THADA: variants seen among roughly 807,000 people sequenced by gnomAD.
THADA encodes the protein THADA armadillo repeat containing.
Under a neutral mutation model 219.8 loss-of-function variants are expected in THADA, and 213 were observed. That is an observed-to-expected ratio of 0.97 (90% confidence interval 0.87 to 1.09). The LOEUF (loss-of-function observed/expected upper bound fraction) is 1.09. Ranked by LOEUF, THADA falls within the 50% of genes least tolerant of loss-of-function variation. The probability of loss-of-function intolerance (pLI) is 0.00; values close to 1 mark genes in which losing one functional copy is unlikely to be tolerated. For synonymous variants in THADA, 1,018 were observed against 828.9 expected, an observed-to-expected ratio of 1.23 and a Z score of -3.92; for missense variants, 2,956 against 2,311.3, an observed-to-expected ratio of 1.28 and a Z score of -5.72.
chr2:43,312,378 G>A lies in THADA; in HGVS notation c.4438+8068C>T, dbSNP rs577814443. ...TTTAACTTTGGTCACAGAAATGGAC[G>A]GTGAATAAGGAGTCAGGAAAGCTCA... On this transcript the variant is annotated intron_variant, in intron 31 of 37. Transcript: ENST00000405975. Among the ~76,000 whole-genome samples, 28 of 152,148 alleles carry A rather than the reference G, an allele frequency of 1.8e-4. 1 individual carries two copies. In the South Asian group the frequency reaches 5.6e-3, roughly 30 times the overall value.
chr2:43,509,173 C>T (rs1310907844), intron 22 of THADA, among the ~76,000 whole-genome samples: 1 of 152,072 alleles, frequency 6.6e-6, no homozygotes, highest in Non-Finnish European at 1.5e-5. Context: ...ATAGGGATTA[C>T]ACATATTCAA....
chr2:43,319,775 T>C (rs945204836), intron 31 of THADA, among the ~76,000 whole-genome samples: 6 of 152,216 alleles, frequency 3.9e-5, no homozygotes, highest in African/African-American at 1.4e-4. Context: ...TGCATTCCAG[T>C]TTGTGCTGAT....
intron 7 of THADA, among the ~76,000 whole-genome samples, chr2:43,583,525 T>C (rs1484563401): frequency 6.6e-6 from 1 of 152,170 alleles, no homozygotes; most frequent in Non-Finnish European, 1.5e-5. Context: ...CCTCAAAAAG[T>C]TAAATATAGA....
At chr2:43,265,894 G>A (rs1182758310) in intron 36 of THADA, among the ~76,000 whole-genome samples, 1 of 149,174 alleles carries the variant, frequency 6.7e-6, no homozygotes, top group Admixed American at 6.7e-5. Flanking sequence ...AGATTAAGGG[G>A]GCGAGGATGA....
intron 30 of THADA, among the ~76,000 whole-genome samples, chr2:43,324,217 A>G (rs1429973322): frequency 6.6e-6 from 1 of 152,234 alleles, no homozygotes; most frequent in Non-Finnish European, 1.5e-5. Context: ...AAATTTCAAA[A>G]TGAACAGAGG....
chr2:43,544,307 A>C (rs549470162), intron 20 of THADA, among the ~76,000 whole-genome samples: 2 of 152,166 alleles, frequency 1.3e-5, no homozygotes, highest in Admixed American at 6.6e-5. Flanking sequence ...GTCAGGTAGC[A>C]TGATGCCTCC....
At chr2:43,248,101 T>C (rs1669350118) in intron 36 of THADA, among the ~76,000 whole-genome samples, 1 of 141,238 alleles carries the variant, frequency 7.1e-6, no homozygotes. Context: ...AGGAGAACTT[T>C]AGGAAATGCC....
intron 35 of THADA, among the ~76,000 whole-genome samples, chr2:43,285,301 T>C (rs1189225814): frequency 6.6e-6 from 1 of 151,906 alleles, no homozygotes; most frequent in African/African-American, 2.4e-5. Context: ...TGGTGGGAGG[T>C]GATTGGATCA....
In THADA at chr2:43,356,088, T is replaced by C. The variant is rs552107179; in HGVS notation, c.4228-11851A>G. Among the ~76,000 whole-genome samples, 157 of 152,080 alleles carry C rather than the reference T, an allele frequency of 1.0e-3. 1 individual carries two copies. Among genetic ancestry groups the C allele is most frequent in the African/African-American group, 3.7e-3 (154 of 41,508 alleles). On this transcript the variant is annotated intron_variant, in intron 29 of 37. Transcript: ENST00000405975. ...AAACGGTTAAGGGCTATAAGAGAAA[T>C]AGAGAACAGAAGGCCAAGAAATAAA...
chr2:43,488,026 A>G (rs1687122915), intron 25 of THADA, among the ~76,000 whole-genome samples: 1 of 152,134 alleles, frequency 6.6e-6, no homozygotes, highest in Admixed American at 6.5e-5. Context: ...TTATTTTTTT[A>G]AAGTTTTTCC....
rs1207781995 is a variant in THADA at position 43,430,261 on chromosome 2, T to C, written c.3878A>G (p.Tyr1293Cys). Residue 1293 changes from tyrosine (Y) to cysteine (C), a missense_variant, in exon 27 of 38, where the codon TAT (tyrosine) becomes TGT (cysteine). Coordinates refer to ENST00000405975, the MANE Select transcript of THADA (RefSeq NM_022065.5). The stretch of plus-strand genomic sequence containing the variant: ...TTCCAACTGTTTGAGAAGAAAAGGA[T>C]AGAGTTCTGGGAAACGAGAGAAAAA... Reference protein sequence around the residue: ...REFFSRFPELYPFLLKQLETV... With the variant: ...REFFSRFPELCPFLLKQLETV... The C allele has an allele frequency of 4.5e-6, 7 of 1,552,506 alleles. No individual in the cohort carries two copies. The highest frequency in any genetic ancestry group is 2.4e-5 in the East Asian group (1 of 42,162).
intron 34 of THADA, among the ~76,000 whole-genome samples, chr2:43,289,959 GTTTTT>G (rs1024500166): frequency 7.7e-6 from 1 of 129,528 alleles, no homozygotes; most frequent in African/African-American, 2.9e-5. Flanking sequence ...CGGCCCTGGT[GTTTTT>G]TTTTTGTTTT....
At chr2:43,535,747 C>G (rs893512132) in intron 21 of THADA, among the ~76,000 whole-genome samples, 1 of 145,296 alleles carries the variant, frequency 6.9e-6, no homozygotes, top group African/African-American at 2.6e-5. Context: ...TACCACTATT[C>G]AAGTAGTTTT....
In THADA at chr2:43,296,754, G is replaced by C. The variant is rs201512902; in HGVS notation, c.4439-3541C>G. On this transcript the variant is annotated intron_variant, in intron 31 of 37. Coordinates refer to ENST00000405975, the MANE Select transcript of THADA (RefSeq NM_022065.5). ...ATCCTTCCTACCCACTGCTGCTAGA[G>C]GACAGCATTACATTCAAAAGGAATT... Among the ~76,000 whole-genome samples, 4 of 152,324 alleles carry C rather than the reference G, an allele frequency of 2.6e-5. No individual in the cohort carries two copies. In the East Asian group the frequency reaches 7.7e-4, roughly 29 times the overall value.
chr2:43,254,501 C>T (rs1157975275), intron 36 of THADA, among the ~76,000 whole-genome samples: 4 of 152,010 alleles, frequency 2.6e-5, no homozygotes, highest in Non-Finnish European at 4.4e-5. Flanking sequence ...ATCCAAAGGT[C>T]GTTTGTGTCA....
intron 29 of THADA, among the ~76,000 whole-genome samples, chr2:43,381,226 G>A (rs774891686): frequency 6.6e-6 from 1 of 151,696 alleles, no homozygotes; most frequent in Non-Finnish European, 1.5e-5. Flanking sequence ...AACAACTGGA[G>A]CAACAAAATA....
chr2:43,402,779 C>G (rs1198571588), intron 28 of THADA, among the ~76,000 whole-genome samples: 2 of 152,186 alleles, frequency 1.3e-5, no homozygotes, highest in East Asian at 3.8e-4. Flanking sequence ...TAAACACAAG[C>G]TGCTGCTGCT....
chr2:43,406,202 T>C (rs954905411), intron 28 of THADA, among the ~76,000 whole-genome samples: 1 of 152,214 alleles, frequency 6.6e-6, no homozygotes, highest in Non-Finnish European at 1.5e-5. Context: ...ACTTGATTCA[T>C]ACCATCCCTT....
At chr2:43,400,763 A>C (rs1362212775) in intron 28 of THADA, among the ~76,000 whole-genome samples, 1 of 152,090 alleles carries the variant, frequency 6.6e-6, no homozygotes, top group Non-Finnish European at 1.5e-5. Flanking sequence ...AGAAATTCCA[A>C]GTTTTTACAG....
Sources: gnomAD v4.1 joint callset for allele counts (sites outside exome capture counted in the v4.1 genomes callset) on GRCh38, gnomAD v4.1.1 for gene constraint, MANE v1.5 for transcripts, NCBI Gene and HGNC (gene_info 2026-07-23, HGNC 2026-07-21) for gene names.